The following PKHD1 variants were observed in gnomAD, a reference collection of about 807,000 sequenced individuals.
The protein encoded by PKHD1 is PKHD1 ciliary IPT domain containing fibrocystin/polyductin, also known as fibrocystin.
Under a neutral mutation model 412.0 loss-of-function variants are expected in PKHD1, and 291 were observed. That is an observed-to-expected ratio of 0.71 (90% CI 0.64 to 0.78). The LOEUF is 0.78. Ranked by LOEUF, PKHD1 falls within the 30% of genes least tolerant of loss-of-function variation. The pLI, the probability that PKHD1 is intolerant of heterozygous loss-of-function variation, is 0.00. For missense variants in PKHD1, 4,825 were observed against 4,950.7 expected (o/e 0.97, Z 0.76); for synonymous variants, 1,777 against 1,821.5 (o/e 0.98, Z 0.62).
rs1029490598 is a variant in PKHD1 at position 51,889,517 on chromosome 6, G to GTGTC, written c.6997-2276_6997-2273dup. Among the ~76,000 whole-genome samples the GTGTC allele has an allele frequency of 2.1e-4, 32 of 152,304 alleles. 1 individual carries two copies. Among genetic ancestry groups the GTGTC allele is most frequent in the African/African-American group, 7.7e-4 (32 of 41,556 alleles). Reference sequence around the variant, plus strand: ...AAAAATAAAATATTTTAGTATAAGTGTGTCGCAAACACTATCTGAAATTTA... The same window carrying GTGTC: ...AAAAATAAAATATTTTAGTATAAGTGTGTCTGTCGCAAACACTATCTGAAATTTA... On this transcript the variant is annotated intron_variant, in intron 43 of 66. Transcript: ENST00000371117.
intron 31 of PKHD1, among the ~76,000 whole-genome samples, chr6:52,026,925 T>C (rs1802276001): frequency 6.6e-6 from 1 of 152,204 alleles, no homozygotes; most frequent in Non-Finnish European, 1.5e-5. Context: ...CCAAAAAGGA[T>C]AATGTGCTAT....
intron 35 of PKHD1, among the ~76,000 whole-genome samples, chr6:51,969,798 T>A (rs568734762): frequency 3.9e-5 from 6 of 152,294 alleles, no homozygotes; most frequent in Admixed American, 3.3e-4. Context: ...CATATATATA[T>A]AAATACATAC....
At chr6:52,042,457 A>C (rs1287256822) in intron 27 of PKHD1, among the ~76,000 whole-genome samples, 1 of 152,214 alleles carries the variant, frequency 6.6e-6, no homozygotes, top group Non-Finnish European at 1.5e-5. Context: ...GTCATGGAGA[A>C]ATATTTGATT....
chr6:51,811,990 C>G (rs1435452696), intron 52 of PKHD1, among the ~76,000 whole-genome samples: 1 of 152,096 alleles, frequency 6.6e-6, no homozygotes, highest in Non-Finnish European at 1.5e-5. Flanking sequence ...GTAAAGATGT[C>G]AGATAGCCAT....
intron 66 of PKHD1, among the ~76,000 whole-genome samples, chr6:51,623,597 T>C (rs1001807838): frequency 2.6e-5 from 4 of 152,210 alleles, no homozygotes; most frequent in Admixed American, 2.0e-4. Flanking sequence ...TTTTTTTATT[T>C]TTTTGAGATG....
At chr6:51,702,013 C>T (rs1358190977) in intron 60 of PKHD1, among the ~76,000 whole-genome samples, 1 of 150,300 alleles carries the variant, frequency 6.7e-6, no homozygotes, top group African/African-American at 2.4e-5. Flanking sequence ...TTTATAAGAC[C>T]TCAATACAGA....
At chr6:51,781,980 A>T (rs1792092480) in intron 53 of PKHD1, among the ~76,000 whole-genome samples, 1 of 151,760 alleles carries the variant, frequency 6.6e-6, no homozygotes, top group East Asian at 1.9e-4. Context: ...AAAATCATTC[A>T]TTCATTTATT....
chr6:51,873,350 T>C (rs956653182), intron 46 of PKHD1, among the ~76,000 whole-genome samples: 2 of 152,214 alleles, frequency 1.3e-5, no homozygotes, highest in East Asian at 1.9e-4. Flanking sequence ...GGCTGAATAA[T>C]GCTTGCCCTT....
chr6:51,659,761 T>C lies in PKHD1; in HGVS notation c.10365A>G (p.Ser3455=), dbSNP rs768584059. The change falls in exon 61 of 67, where the codon TCA becomes TCG. Residue 3455 remains serine, a synonymous_variant. Transcript: ENST00000371117. ...NANIPCSTSG[S]VSTFYSILPI... ...GTAAGATAGAATAGAAAGTAGACAC[T>C]GACCCAGAAGTAGAGCAGGGAATAT... 6.2e-7 allele frequency: 1 copy of C among 1,613,658 alleles called. No individual in the cohort carries two copies. Among genetic ancestry groups the C allele is most frequent in the Non-Finnish European group, 8.5e-7 (1 of 1,179,702 alleles).
At chr6:51,961,968 A>G (rs1792108212) in intron 35 of PKHD1, among the ~76,000 whole-genome samples, 1 of 152,132 alleles carries the variant, frequency 6.6e-6, no homozygotes, top group Non-Finnish European at 1.5e-5. Flanking sequence ...CCAGAGACCT[A>G]CAATTTTAAT....
intron 36 of PKHD1, among the ~76,000 whole-genome samples, chr6:51,939,411 C>T (rs952938007): frequency 1.3e-5 from 2 of 151,332 alleles, no homozygotes; most frequent in African/African-American, 4.8e-5. Flanking sequence ...TATGGGCAGC[C>T]TTCCACCCTC....
chr6:51,808,709 T>C (rs895598382), intron 52 of PKHD1, among the ~76,000 whole-genome samples: 1 of 152,162 alleles, frequency 6.6e-6, no homozygotes, highest in African/African-American at 2.4e-5. Context: ...ATAGGTAATG[T>C]TCCTTTCTCA....
At position 51,830,381 on chromosome 6, in the gene PKHD1, T is replaced by A. The variant is rs191303044; in HGVS notation, c.8302+480A>T. On this transcript the variant is annotated intron_variant, in intron 52 of 66. Transcript: ENST00000371117. ...ATGAATAGATACATAGATAGGTATT[T>A]TTCTATTTTATTAACCTACTTCTCG... Among the ~76,000 whole-genome samples the A allele has an allele frequency of 6.6e-4, 100 of 152,298 alleles. 1 individual carries two copies. Among genetic ancestry groups the A allele is most frequent in the Admixed American group, 3.3e-3 (51 of 15,294 alleles).
rs192220520 is a variant in PKHD1, at chr6:51,941,873, C to A, written c.5909-7551G>T. Among the ~76,000 whole-genome samples, 550 of 151,604 alleles carry A rather than the reference C, an allele frequency of 3.6e-3. 3 individuals are homozygous for A. Among genetic ancestry groups the A allele is most frequent in the African/African-American group, 0.013 (527 of 41,488 alleles). ...GCAAATTACCTGGGCTGTACTGCCGCAAGCCTTCACAGACAGCCCCCATTA... is the reference window on the plus strand; with the variant it reads ...GCAAATTACCTGGGCTGTACTGCCGAAAGCCTTCACAGACAGCCCCCATTA... On this transcript the variant is annotated intron_variant, in intron 36 of 66. Transcript: ENST00000371117.
chr6:52,012,896 A>G (rs1006286675), intron 34 of PKHD1, among the ~76,000 whole-genome samples: 1 of 152,208 alleles, frequency 6.6e-6, no homozygotes, highest in Non-Finnish European at 1.5e-5. Context: ...AGGCTCACAA[A>G]CTATCTGATG....
intron 60 of PKHD1, among the ~76,000 whole-genome samples, chr6:51,731,082 G>A (rs1044088466): frequency 2.0e-4 from 31 of 152,026 alleles, no homozygotes; most frequent in Non-Finnish European, 2.9e-5. Flanking sequence ...CACCACACCT[G>A]GCTAATACTT....
At chr6:51,959,571 G>C (rs1334671275) in intron 36 of PKHD1, among the ~76,000 whole-genome samples, 1 of 152,078 alleles carries the variant, frequency 6.6e-6, no homozygotes, top group Non-Finnish European at 1.5e-5. Context: ...GGCTGTCCTG[G>C]ATAAGCATGA....
At chr6:51,758,814 TATA>T (rs1193803281) in intron 55 of PKHD1, among the ~76,000 whole-genome samples, 2 of 152,120 alleles carry the variant, frequency 1.3e-5, no homozygotes, top group Non-Finnish European at 2.9e-5. Flanking sequence ...TAGACAAAAA[TATA>T]ATACTTATTA....
intron 35 of PKHD1, among the ~76,000 whole-genome samples, chr6:52,004,363 T>C (rs1222222328): frequency 2.0e-5 from 3 of 152,242 alleles, no homozygotes; most frequent in African/African-American, 7.2e-5. Flanking sequence ...ATTTTCCTGC[T>C]GGAATTTCCT....
Sources: allele counts gnomAD v4.1 joint callset (sites outside exome capture counted in the v4.1 genomes callset), GRCh38; gene constraint gnomAD v4.1.1; transcripts MANE v1.5; gene names NCBI Gene and HGNC (gene_info 2026-07-23, HGNC 2026-07-21).